Variants in MSRA observed in about 807,000 individuals in gnomAD.
MSRA encodes mitochondrial peptide methionine sulfoxide reductase.
A neutral mutation model predicts 31.3 loss-of-function variants in MSRA; 54 were observed. The ratio of observed to expected loss-of-function variants is 1.73; its 90% CI spans 1.39 to 2.17. The LOEUF (loss-of-function observed/expected upper bound fraction) is 2.17. Ranked by LOEUF, MSRA falls within the 30% of genes most tolerant of loss-of-function variation. MSRA has a pLI of 0.00. For synonymous variants in MSRA, 169 were observed against 116.5 expected, an observed-to-expected ratio of 1.45 and a Z score of -2.90; for missense variants, 507 against 300.9, an observed-to-expected ratio of 1.69 and a Z score of -5.07.
intron 2 of MSRA, among the ~76,000 whole-genome samples, chr8:10,241,249 G>T (rs1348900796): frequency 6.6e-6 from 1 of 152,042 alleles, no homozygotes; most frequent in African/African-American, 2.4e-5. Context: ...TCGATTCTGG[G>T]ACTGGGGTAG....
chr8:10,342,106 A>G (rs1803464205), intron 5 of MSRA, among the ~76,000 whole-genome samples: 1 of 152,104 alleles, frequency 6.6e-6, no homozygotes, highest in Non-Finnish European at 1.5e-5. Flanking sequence ...CTGGTTAGTA[A>G]TCAGCTGTGC....
intron 1 of MSRA, among the ~76,000 whole-genome samples, chr8:10,091,283 A>G (rs912309230): frequency 6.6e-6 from 1 of 152,246 alleles, no homozygotes; most frequent in Admixed American, 6.5e-5. Flanking sequence ...AAAAGTGACA[A>G]AAATTGTATT....
At chr8:10,419,950 C>T (rs1808711314) in intron 5 of MSRA, among the ~76,000 whole-genome samples, 1 of 152,150 alleles carries the variant, frequency 6.6e-6, no homozygotes, top group Non-Finnish European at 1.5e-5. Flanking sequence ...AGCACAGGGT[C>T]AGCGCTGGAA....
Position 10,261,475 on chromosome 8 carries a change from T to C in MSRA, c.331+16252T>C, listed in dbSNP as rs764119232. The stretch of plus-strand genomic sequence containing the variant: ...TTTTGGGAGGCTGAGATGGGAGGAT[T>C]GCTTGAGGCCAGGAGTTTGAGACCA... On this transcript the variant is annotated intron_variant, in intron 3 of 5. Coordinates refer to ENST00000317173, the MANE Select transcript of MSRA (RefSeq NM_012331.5). Among the ~76,000 whole-genome samples the C allele has an allele frequency of 8.0e-4, 121 of 152,014 alleles. 2 individuals carry two copies. Among genetic ancestry groups the C allele is most frequent in the Middle Eastern group, 3.4e-3 (1 of 290 alleles).
intron 3 of MSRA, among the ~76,000 whole-genome samples, chr8:10,256,637 C>T (rs1018225422): frequency 3.3e-5 from 5 of 152,152 alleles, no homozygotes; most frequent in African/African-American, 4.8e-5. Flanking sequence ...AGAATTCAGA[C>T]GGCACCTCTG....
chr8:10,340,565 G>T (rs913281715), intron 5 of MSRA, among the ~76,000 whole-genome samples: 2 of 152,186 alleles, frequency 1.3e-5, no homozygotes, highest in South Asian at 4.1e-4. Flanking sequence ...TAGAGACAGG[G>T]CCTCGCCATG....
chr8:10,323,196 C>A (rs11249987), intron 5 of MSRA, among the ~76,000 whole-genome samples: 30,485 of 151,844 alleles, frequency 0.2, 4,111 homozygotes, highest in East Asian at 0.61. Flanking sequence ...GGACACTACA[C>A]TGGGCACCAC....
intron 4 of MSRA, among the ~76,000 whole-genome samples, chr8:10,313,424 T>C (rs1182783501): frequency 3.3e-5 from 5 of 151,698 alleles, no homozygotes; most frequent in African/African-American, 1.2e-4. Context: ...TTTACTTATT[T>C]ACCAGGAACT....
intron 1 of MSRA, among the ~76,000 whole-genome samples, chr8:10,083,063 C>G (rs977206402): frequency 6.6e-6 from 1 of 152,082 alleles, no homozygotes; most frequent in African/African-American, 2.4e-5. Flanking sequence ...TTTGGAAGCA[C>G]GTAACCATAC....
chr8:10,341,255 C>T (rs1349580139), intron 5 of MSRA, among the ~76,000 whole-genome samples: 2 of 152,258 alleles, frequency 1.3e-5, no homozygotes, highest in African/African-American at 2.4e-5. Flanking sequence ...GGCATCTGCT[C>T]GGCTCCTAGG....
chr8:10,367,331 A>G (rs1157436541), intron 5 of MSRA, among the ~76,000 whole-genome samples: 2 of 152,218 alleles, frequency 1.3e-5, no homozygotes, highest in Non-Finnish European at 2.9e-5. Flanking sequence ...CTTCTGCTTT[A>G]TTAGTGTTGC....
chr8:10,210,964 A>G (rs1809434778), intron 2 of MSRA, among the ~76,000 whole-genome samples: 1 of 151,682 alleles, frequency 6.6e-6, no homozygotes, highest in Non-Finnish European at 1.5e-5. Context: ...TCGAACTCCT[A>G]ACCTCAAGAG....
intron 1 of MSRA, among the ~76,000 whole-genome samples, chr8:10,076,915 A>G (rs997319556): frequency 6.6e-6 from 1 of 152,030 alleles, no homozygotes; most frequent in African/African-American, 2.4e-5. Flanking sequence ...GAGGGAGAAC[A>G]TTAGAAAAAA....
chr8:10,241,905 A>G (rs185272642), intron 2 of MSRA, among the ~76,000 whole-genome samples: 1 of 152,332 alleles, frequency 6.6e-6, no homozygotes, highest in African/African-American at 2.4e-5. Flanking sequence ...GAGAAACTGA[A>G]CAGGTCAAGT....
intron 1 of MSRA, among the ~76,000 whole-genome samples, chr8:10,085,338 C>T (rs1798506578): frequency 6.6e-6 from 1 of 152,188 alleles, no homozygotes; most frequent in Non-Finnish European, 1.5e-5. Context: ...CTCCCCAGTG[C>T]CTGGCTCCAG....
intron 5 of MSRA, among the ~76,000 whole-genome samples, chr8:10,383,065 G>T (rs911824035): frequency 1.3e-5 from 2 of 152,230 alleles, no homozygotes; most frequent in African/African-American, 4.8e-5. Context: ...AGAGAATGCT[G>T]TGTTCACCCA....
intron 5 of MSRA, among the ~76,000 whole-genome samples, chr8:10,425,025 A>C (rs552141858): frequency 2.0e-5 from 3 of 152,308 alleles, no homozygotes; most frequent in African/African-American, 7.2e-5. Context: ...GTGACTTGCA[A>C]GTGAGGCAGC....
intron 1 of MSRA, among the ~76,000 whole-genome samples, chr8:10,082,315 G>C (rs1798335643): frequency 6.6e-6 from 1 of 152,116 alleles, no homozygotes; most frequent in South Asian, 2.1e-4. Flanking sequence ...AGGAGTGATG[G>C]GGGAGGGGCC....
chr8:10,428,279 C>T lies in MSRA; in HGVS notation c.675C>T (p.Thr225=), dbSNP rs778456266. The stretch of plus-strand genomic sequence containing the variant: ...ATGGCTACTGCGGCCTTGGGGGCAC[C>T]GGCGTGTCCTGCCCAGTGGGTATTA... ...NPNGYCGLGG[T]GVSCPVGIKK The change falls in exon 6 of 6, where the codon ACC becomes ACT. Residue 225 remains threonine (T), a synonymous_variant. Coordinates refer to ENST00000317173, the MANE Select transcript of MSRA (RefSeq NM_012331.5). 75 of 1,613,834 alleles carry T rather than the reference C, an allele frequency of 4.6e-5. No individual in the cohort carries two copies. The Admixed American group carries it at 5.0e-4, about 11-fold the overall frequency.
Sources: gnomAD v4.1 joint callset for allele counts (sites outside exome capture counted in the v4.1 genomes callset) on GRCh38, gnomAD v4.1.1 for gene constraint, MANE v1.5 for transcripts, NCBI Gene and HGNC (gene_info 2026-07-23, HGNC 2026-07-21) for gene names.